KLHDC7A: variants seen among roughly 807,000 people sequenced by gnomAD.
KLHDC7A encodes kelch domain-containing protein 7A.
For missense variants in KLHDC7A, 1,123 were observed against 1,052.6 expected (o/e 1.07, Z -0.93); for synonymous variants, 464 against 461.0 (o/e 1.01, Z -0.08).
chr1:18,482,036 G>A lies in KLHDC7A; in HGVS notation c.1055G>A (p.Gly352Glu). ...GAAAGAGCCGCCTCCCCGCAGACAG[G>A]GCCGTGGCCCTCCACCCGAGGCTTC... is the stretch of plus-strand genomic sequence containing the variant. The part of the protein sequence containing the change: ...AAERAASPQT[G>E]PWPSTRGFSR... The change falls in exon 1 of 1, where the codon GGG becomes GAG. Residue 352 changes from glycine (G) to glutamate (E), a missense_variant. Gly to Glu is a moderately conservative substitution (Grantham distance 98). Coordinates refer to ENST00000400664, the MANE Select transcript of KLHDC7A (RefSeq NM_152375.3). The A allele has an allele frequency of 1.9e-6, 3 of 1,612,652 alleles. No homozygotes were observed. The highest frequency in any genetic ancestry group is 2.5e-6 in the Non-Finnish European group (3 of 1,179,846).
In KLHDC7A at chr1:18,482,153, A is replaced by T. The variant is rs534734159; in HGVS notation, c.1172A>T (p.Asp391Val). Residue 391 changes from aspartate (D) to valine (V), a missense_variant, in exon 1 of 1, where the codon GAC (aspartate) becomes GTC (valine). Physicochemically the swap from Asp to Val is radical, Grantham distance 152. Transcript: ENST00000400664. ...CGGCTCCCCGCTCCACCCTGCCCAG[A>T]CCCGGGCGCCCTGCCTGGCTTAGGC... ...GFRLPAPPCP[D>V]PGALPGLGRS... The T allele has an allele frequency of 1.4e-5, 23 of 1,611,602 alleles. No individual in the cohort carries two copies. Among genetic ancestry groups the T allele is most frequent in the Admixed American group, 1.2e-4 (7 of 59,998 alleles).
At position 18,482,676 on chromosome 1, in the gene KLHDC7A, C is replaced by T. The variant is rs1441684565; in HGVS notation, c.1695C>T (p.Leu565=). ...PSSRVFCYNP[L]TGIWSEVCPL... is the part of the protein sequence containing the mutation. The stretch of plus-strand genomic sequence containing the variant: ...GCCGCGTCTTCTGCTACAACCCGCT[C>T]ACGGGGATCTGGAGCGAGGTGTGCC... The change falls in exon 1 of 1, where the codon CTC becomes CTT. Residue 565 remains leucine (L), a synonymous_variant. Transcript: ENST00000400664. 1.2e-6 allele frequency: 2 copies of T among 1,609,310 alleles called. No individual in the cohort carries two copies. The highest frequency in any genetic ancestry group is 1.7e-5 in the Admixed American group (1 of 59,924).
rs979593430 is a variant in KLHDC7A, at chr1:18,484,772, T to C, written c.*1457T>C. On this transcript the variant is annotated 3_prime_UTR_variant, in exon 1 of 1. Coordinates refer to ENST00000400664, the MANE Select transcript of KLHDC7A (RefSeq NM_152375.3). ...ACTGGAACAAAGGATGAAAAGGAGG[T>C]TGGCATGGACATAAGAGGAGAGCTT... is the stretch of plus-strand genomic sequence containing the variant. The C allele has an allele frequency of 6.0e-6, 1 of 165,706 alleles. No homozygotes were observed. The highest frequency in any genetic ancestry group is 1.5e-5 in the Non-Finnish European group (1 of 67,894). The allele number at this position is 165,706 out of a possible 1,614,324, so 10.3% of individuals were successfully genotyped here. A position where few individuals can be genotyped will look rare whatever the true frequency, so the allele number is the denominator to read the frequency against.
Position 18,483,145 on chromosome 1 carries a change from GACA to G in KLHDC7A, c.2167_2169del (p.Asn723del). The G allele has an allele frequency of 3.1e-6, 5 of 1,614,048 alleles. No homozygotes were observed. The highest frequency in any genetic ancestry group is 4.2e-6 in the Non-Finnish European group (5 of 1,180,040). ...GGATGCCTTCCAGTGCGCCGTGGTG[GACA>G]ACCTCATCTACTGCGTGGGACGCCG... On this transcript the variant is annotated inframe_deletion, in exon 1 of 1. Coordinates refer to ENST00000400664, the MANE Select transcript of KLHDC7A (RefSeq NM_152375.3).
In KLHDC7A at chr1:18,484,244, T is replaced by G. The variant is rs1305655331; in HGVS notation, c.*929T>G. Reference sequence around the variant, plus strand: ...CCTCCTTGTGCCAGGTACGGTCACCTGGTTTGCCGCATTCACATTTTCAGG... The same window carrying G: ...CCTCCTTGTGCCAGGTACGGTCACCGGGTTTGCCGCATTCACATTTTCAGG... On this transcript the variant is annotated 3_prime_UTR_variant, in exon 1 of 1. Coordinates refer to ENST00000400664, the MANE Select transcript of KLHDC7A (RefSeq NM_152375.3). 4 of 373,418 alleles carry G rather than the reference T, an allele frequency of 1.1e-5. No homozygotes were observed. Among genetic ancestry groups the G allele is most frequent in the Non-Finnish European group, 2.2e-5 (4 of 183,402 alleles). The allele number at this position is 373,418 out of a possible 1,614,324, so 23.1% of individuals were successfully genotyped here. A position where few individuals can be genotyped will look rare whatever the true frequency, so the allele number is the denominator to read the frequency against.
In KLHDC7A at chr1:18,483,512, G is replaced by T; in HGVS notation, c.*197G>T. 1 of 1,439,414 alleles carries T rather than the reference G, an allele frequency of 6.9e-7. No individual in the cohort carries two copies. Among genetic ancestry groups the T allele is most frequent in the East Asian group, 2.5e-5 (1 of 39,528 alleles). The allele number at this position is 1,439,414 out of a possible 1,614,324, so 89.2% of individuals were successfully genotyped here. ...GTCTTACCCTTCATGGGCTGCAGAG[G>T]CCCCACTGCAGAAAAGAGGACCAGG... On this transcript the variant is annotated 3_prime_UTR_variant, in exon 1 of 1. Transcript: ENST00000400664.
chr1:18,481,640 A>G lies in KLHDC7A; in HGVS notation c.659A>G (p.Asn220Ser). 4 of 1,614,082 alleles carry G rather than the reference A, an allele frequency of 2.5e-6. No individual in the cohort carries two copies. Among genetic ancestry groups the G allele is most frequent in the Non-Finnish European group, 3.4e-6 (4 of 1,180,014 alleles). The change falls in exon 1 of 1, where the codon AAC becomes AGC. Residue 220 changes from asparagine (N) to serine (S), a missense_variant. By Grantham distance (46) the Asn-to-Ser change is conservative. Transcript: ENST00000400664. ...CCCTTGCAAGGCAGCAGTGACATGAACCAGAGCTGGGTCTTCACCCGTGTG... is the reference window on the plus strand; with the variant it reads ...CCCTTGCAAGGCAGCAGTGACATGAGCCAGAGCTGGGTCTTCACCCGTGTG... The part of the protein sequence containing the change: ...VAPLQGSSDM[N>S]QSWVFTRVIG...
At position 18,483,467 on chromosome 1, in the gene KLHDC7A, G is replaced by A. The variant is rs1329338548; in HGVS notation, c.*152G>A. 2.1e-5 allele frequency: 30 copies of A among 1,461,852 alleles called. No homozygotes were observed. The highest frequency in any genetic ancestry group is 2.7e-5 in the Non-Finnish European group (30 of 1,106,304). 90.6% of individuals were successfully genotyped at this position (1,461,852 alleles called of 1,614,324 possible). A position where few individuals can be genotyped will look rare whatever the true frequency, so the allele number is the denominator to read the frequency against. ...GGTCCTTTCTCCTCCCCTAGCTGGG[G>A]AGAGAGGGATCTTAGATGAGTCTTA... On this transcript the variant is annotated 3_prime_UTR_variant, in exon 1 of 1. Coordinates refer to ENST00000400664, the MANE Select transcript of KLHDC7A (RefSeq NM_152375.3).
chr1:18,483,046 GGCATC>G lies in KLHDC7A; in HGVS notation c.2068_2072del (p.Ile690ArgfsTer136). ...CCGCTTTGACCTCAACCGCAGCCTG[GGCATC>G]GCCGTGTACCGCTGCAGCGCCAGCA... On this transcript the variant is annotated frameshift_variant, in exon 1 of 1. Transcript: ENST00000400664. LOFTEE classifies it low-confidence loss of function (END_TRUNC). 1 of 1,613,594 alleles carries G rather than the reference GGCATC, an allele frequency of 6.2e-7. No individual in the cohort carries two copies. Among genetic ancestry groups the G allele is most frequent in the Non-Finnish European group, 8.5e-7 (1 of 1,179,954 alleles).
chr1:18,482,114 A>T lies in KLHDC7A; in HGVS notation c.1133A>T (p.Gln378Leu), dbSNP rs1247144914. 6.2e-7 allele frequency: 1 copy of T among 1,611,944 alleles called. No homozygotes were observed. The highest frequency in any genetic ancestry group is 1.7e-5 in the Admixed American group (1 of 59,992). Residue 378 changes from glutamine to leucine, a missense_variant, in exon 1 of 1, where the codon CAG becomes CTG. Coordinates refer to ENST00000400664, the MANE Select transcript of KLHDC7A (RefSeq NM_152375.3). ...GCGGAGAACCCAGAGCTGCAGCTGC[A>T]GCCAGATGGCTTCCGGCTCCCCGCT... ...QIAENPELQL[Q>L]PDGFRLPAPP...
At position 18,483,801 on chromosome 1, in the gene KLHDC7A, C is replaced by G; in HGVS notation, c.*486C>G. On this transcript the variant is annotated 3_prime_UTR_variant, in exon 1 of 1. Transcript: ENST00000400664. The stretch of plus-strand genomic sequence containing the variant: ...TCCACAGTTCCCAGAAGCACCGGGA[C>G]ACACAGGTGGGAAAGATGGAGGCAG... 8.2e-7 allele frequency: 1 copy of G among 1,215,514 alleles called. No homozygotes were observed. The highest frequency in any genetic ancestry group is 1.1e-6 in the Non-Finnish European group (1 of 949,604). The allele number at this position is 1,215,514 out of a possible 1,614,324, so 75.3% of individuals were successfully genotyped here.
rs1557444970 is a variant in KLHDC7A, at chr1:18,482,018, C to T, written c.1037C>T (p.Ala346Val). 12 of 1,612,762 alleles carry T rather than the reference C, an allele frequency of 7.4e-6. No homozygotes were observed. The highest frequency in any genetic ancestry group is 1.0e-5 in the Non-Finnish European group (12 of 1,179,914). Reference protein sequence around the residue: ...AGDTKGAAERAASPQTGPWPS... With the variant: ...AGDTKGAAERVASPQTGPWPS... Reference sequence around the variant, plus strand: ...GACACAAAGGGTGCAGCCGAAAGAGCCGCCTCCCCGCAGACAGGGCCGTGG... The same window carrying T: ...GACACAAAGGGTGCAGCCGAAAGAGTCGCCTCCCCGCAGACAGGGCCGTGG... The change falls in exon 1 of 1, where the codon GCC (alanine) becomes GTC (valine). Residue 346 changes from alanine to valine, a missense_variant. By Grantham distance (64) the Ala-to-Val change is moderately conservative (BLOSUM62 0). Transcript: ENST00000400664.
rs1208591385 is a variant in KLHDC7A, at chr1:18,481,556, A to G, written c.575A>G (p.Lys192Arg). 1.1e-5 allele frequency: 18 copies of G among 1,613,324 alleles called. No homozygotes were observed. Among genetic ancestry groups the G allele is most frequent in the Non-Finnish European group, 1.5e-5 (18 of 1,179,960 alleles). ...GAGCCTTCTCCATGGCAGGACAGTA[A>G]ACCCCGTGAGCATCCAGGACTGGGG... The part of the protein sequence containing the change: ...GGEPSPWQDS[K>R]PREHPGLGQL... Residue 192 changes from lysine (K) to arginine (R), a missense_variant, in exon 1 of 1, where the codon AAA (lysine) becomes AGA (arginine). Physicochemically the swap from Lys to Arg is conservative, Grantham distance 26. Coordinates refer to ENST00000400664, the MANE Select transcript of KLHDC7A (RefSeq NM_152375.3).
chr1:18,484,935 A>G lies in KLHDC7A; in HGVS notation c.*1620A>G, dbSNP rs535805585. On this transcript the variant is annotated 3_prime_UTR_variant, in exon 1 of 1. Transcript: ENST00000400664. ...TGGCCTGGGCCTCGAAAGATGAAGC[A>G]ACTGAATTTATTCTTAAATCAGAGA... is the stretch of plus-strand genomic sequence containing the variant. 1 of 167,216 alleles carries G rather than the reference A, an allele frequency of 6.0e-6. No individual in the cohort carries two copies. The highest frequency in any genetic ancestry group is 2.4e-5 in the African/African-American group (1 of 41,534). The allele number at this position is 167,216 out of a possible 1,614,324, so 10.4% of individuals were successfully genotyped here.
chr1:18,483,789 G>T lies in KLHDC7A; in HGVS notation c.*474G>T. The T allele has an allele frequency of 1.7e-6, 2 of 1,210,510 alleles. No individual in the cohort carries two copies. The highest frequency in any genetic ancestry group is 2.1e-6 in the Non-Finnish European group (2 of 947,200). 75.0% of individuals were successfully genotyped at this position (1,210,510 alleles called of 1,614,324 possible). On this transcript the variant is annotated 3_prime_UTR_variant, in exon 1 of 1. Coordinates refer to ENST00000400664, the MANE Select transcript of KLHDC7A (RefSeq NM_152375.3). ...CTGGGCCCCACCTCCACAGTTCCCA[G>T]AAGCACCGGGACACACAGGTGGGAA...
chr1:18,482,098 C>T lies in KLHDC7A; in HGVS notation c.1117C>T (p.Pro373Ser). The T allele has an allele frequency of 6.2e-7, 1 of 1,612,220 alleles. No individual in the cohort carries two copies. Among genetic ancestry groups the T allele is most frequent in the Non-Finnish European group, 8.5e-7 (1 of 1,179,462 alleles). ...GAGCCTTCTGCAGATAGCGGAGAAC[C>T]CAGAGCTGCAGCTGCAGCCAGATGG... ...KESLLQIAEN[P>S]ELQLQPDGFR... is the part of the protein sequence containing the mutation. Residue 373 changes from proline to serine, a missense_variant, in exon 1 of 1, where the codon CCA becomes TCA. Pro to Ser is a moderately conservative substitution (Grantham distance 74, BLOSUM62 -1). Coordinates refer to ENST00000400664, the MANE Select transcript of KLHDC7A (RefSeq NM_152375.3).
chr1:18,482,831 C>T lies in KLHDC7A; in HGVS notation c.1850C>T (p.Pro617Leu), dbSNP rs769244569. The T allele has an allele frequency of 5.0e-6, 8 of 1,610,946 alleles. No individual in the cohort carries two copies. The highest frequency in any genetic ancestry group is 6.8e-6 in the Non-Finnish European group (8 of 1,179,088). The change falls in exon 1 of 1, where the codon CCG (proline) becomes CTG (leucine). Residue 617 changes from proline (P) to leucine (L), a missense_variant. Pro to Leu is a moderately conservative substitution (Grantham distance 98). Coordinates refer to ENST00000400664, the MANE Select transcript of KLHDC7A (RefSeq NM_152375.3). ...CTGGACCGCTGGGACTTTGCCCCGCCGCTCCCCAGTGACACGTTCGCCCTG... is the reference window on the plus strand; with the variant it reads ...CTGGACCGCTGGGACTTTGCCCCGCTGCTCCCCAGTGACACGTTCGCCCTG... ...PRLDRWDFAP[P>L]LPSDTFALAH...
chr1:18,483,103 T>A lies in KLHDC7A; in HGVS notation c.2122T>A (p.Tyr708Asn). The A allele has an allele frequency of 6.2e-7, 1 of 1,613,840 alleles. No homozygotes were observed. The highest frequency in any genetic ancestry group is 8.5e-7 in the Non-Finnish European group (1 of 1,180,028). The change falls in exon 1 of 1, where the codon TAC becomes AAC. Residue 708 changes from tyrosine to asparagine, a missense_variant. Tyr to Asn is a moderately radical substitution (Grantham distance 143). Transcript: ENST00000400664. ...STRLWYECAT[Y>N]RTPYPDAFQC... The stretch of plus-strand genomic sequence containing the variant: ...CCGGCTCTGGTACGAGTGCGCCACG[T>A]ACCGGACGCCTTACCCGGATGCCTT...
rs756332590 is a variant in KLHDC7A at position 18,484,103 on chromosome 1, G to C, written c.*788G>C. Reference sequence around the variant, plus strand: ...TGATCCAAGGGCCACCCTGCTCCTCGGCCCTGCCCATGTTAACTGACCATT... The same window carrying C: ...TGATCCAAGGGCCACCCTGCTCCTCCGCCCTGCCCATGTTAACTGACCATT... On this transcript the variant is annotated 3_prime_UTR_variant, in exon 1 of 1. Coordinates refer to ENST00000400664, the MANE Select transcript of KLHDC7A (RefSeq NM_152375.3). 9 of 1,157,260 alleles carry C rather than the reference G, an allele frequency of 7.8e-6. No homozygotes were observed. Among genetic ancestry groups the C allele is most frequent in the Non-Finnish European group, 1.1e-5 (9 of 855,484 alleles). The allele number at this position is 1,157,260 out of a possible 1,614,324, so 71.7% of individuals were successfully genotyped here.
Sources: gnomAD v4.1 joint callset for allele counts on GRCh38, gnomAD v4.1.1 for gene constraint, MANE v1.5 for transcripts, NCBI Gene and HGNC (gene_info 2026-07-23, HGNC 2026-07-21) for gene names.